FAM171A1: variants seen among roughly 807,000 people sequenced by gnomAD.
FAM171A1 encodes the protein family with sequence similarity 171 member A1, also known as protein FAM171A1.
In FAM171A1, 23 loss-of-function variants were observed where a neutral mutation model predicts 74.9. The ratio of observed to expected loss-of-function variants is 0.31; its 90% CI spans 0.22 to 0.44. The LOEUF is 0.44. Among genes scored for constraint, FAM171A1 ranks in the 20% least tolerant of loss-of-function variants. FAM171A1 has a pLI of 1.00. For synonymous variants in FAM171A1, 527 were observed against 505.7 expected (o/e 1.04, Z -0.57); for missense variants, 1,162 against 1,159.2 (o/e 1.00, Z -0.03).
At chr10:15,298,517 C>T (rs1249111019) in intron 1 of FAM171A1, among the ~76,000 whole-genome samples, 1 of 152,102 alleles carries the variant, frequency 6.6e-6, no homozygotes, top group Non-Finnish European at 1.5e-5. Flanking sequence ...GATTACTGTA[C>T]TTATCTCGGG....
Position 15,212,622 on chromosome 10 carries a change from G to T in FAM171A1, c.*293C>A. ...GATCGTTAGAGCATAGCGACATCAC[G>T]TGCGGTTTCTTAATGTCCCTGGTGG... On this transcript the variant is annotated 3_prime_UTR_variant, in exon 8 of 8. Transcript: ENST00000378116. 2 of 441,482 alleles carry T rather than the reference G, an allele frequency of 4.5e-6. No homozygotes were observed. The highest frequency in any genetic ancestry group is 2.6e-5 in the South Asian group (1 of 38,556). 27.3% of individuals were successfully genotyped at this position (441,482 alleles called of 1,614,324 possible). A position where few individuals can be genotyped will look rare whatever the true frequency, so the allele number is the denominator to read the frequency against.
At chr10:15,351,316 C>A (rs1835873955) in intron 1 of FAM171A1, among the ~76,000 whole-genome samples, 1 of 152,082 alleles carries the variant, frequency 6.6e-6, no homozygotes, top group Non-Finnish European at 1.5e-5. Context: ...GTGCGTAAGC[C>A]CCCAAGAGAG....
At chr10:15,358,687 G>A (rs914088538) in intron 1 of FAM171A1, among the ~76,000 whole-genome samples, 7 of 152,176 alleles carry the variant, frequency 4.6e-5, no homozygotes, top group Non-Finnish European at 1.0e-4. Flanking sequence ...ATCCCATGCA[G>A]TATCAAGTAC....
In FAM171A1 at chr10:15,214,028, G is replaced by T; in HGVS notation, c.1560C>A (p.Tyr520Ter). ...GSKLTIQEHL[Y>*]PAPSSPEKEQ... is the part of the protein sequence containing the mutation. ...CTTTCTCAGGTGATGAAGGCGCGGG[G>T]TACAGATGTTCCTGAATGGTGAGTT... The change falls in exon 8 of 8, where the codon TAC becomes TAA. Residue 520 changes from tyrosine to a stop codon, truncating the protein, a stop_gained. Coordinates refer to ENST00000378116, the MANE Select transcript of FAM171A1 (RefSeq NM_001010924.2). LOFTEE classifies it high-confidence loss of function. The T allele has an allele frequency of 6.2e-7, 1 of 1,614,218 alleles. No individual in the cohort carries two copies.
chr10:15,235,288 C>A (rs555172500), intron 5 of FAM171A1, among the ~76,000 whole-genome samples: 1 of 113,328 alleles, frequency 8.8e-6, no homozygotes, highest in Non-Finnish European at 1.6e-5. Context: ...GGAGACAGAG[C>A]GAGACTCTGT....
At chr10:15,226,776 T>A (rs1296412711) in intron 5 of FAM171A1, among the ~76,000 whole-genome samples, 2 of 152,194 alleles carry the variant, frequency 1.3e-5, no homozygotes. Flanking sequence ...GCTCTTGCGC[T>A]GAATACTCCC....
At chr10:15,275,716 A>G in intron 3 of FAM171A1, 139 bp downstream of exon 3, 1 of 483,994 alleles carries the variant, frequency 2.1e-6, no homozygotes, top group Non-Finnish European at 3.6e-6. Context: ...GTGATAGACA[A>G]GTTAATGATG....
intron 1 of FAM171A1, among the ~76,000 whole-genome samples, chr10:15,321,689 T>C (rs1835488504): frequency 6.6e-6 from 1 of 152,208 alleles, no homozygotes; most frequent in African/African-American, 2.4e-5. Flanking sequence ...AACCCTTTAA[T>C]GAAAACAGAA....
At chr10:15,248,860 A>C in intron 4 of FAM171A1, 45 bp from the exon 5 acceptor site, 1 of 1,554,328 alleles carries the variant, frequency 6.4e-7, no homozygotes, top group Non-Finnish European at 8.7e-7. Flanking sequence ...CAAAGTACCC[A>C]TGTGGGGCTG....
intron 3 of FAM171A1, among the ~76,000 whole-genome samples, chr10:15,268,395 A>C (rs916630349): frequency 7.9e-5 from 12 of 152,122 alleles, no homozygotes; most frequent in Admixed American, 2.6e-4. Flanking sequence ...GGAGACACCA[A>C]CCTCATCAAA....
intron 5 of FAM171A1, among the ~76,000 whole-genome samples, chr10:15,229,308 G>T (rs1462882306): frequency 2.0e-5 from 3 of 152,104 alleles, no homozygotes; most frequent in Non-Finnish European, 2.9e-5. Flanking sequence ...GGGCTGTCAT[G>T]GCTCTGGATG....
chr10:15,309,760 C>A (rs1667287281), intron 1 of FAM171A1, among the ~76,000 whole-genome samples: 2 of 152,240 alleles, frequency 1.3e-5, no homozygotes, highest in African/African-American at 4.8e-5. Context: ...TGCAGGAAAT[C>A]TGCATTTTCT....
intron 1 of FAM171A1, among the ~76,000 whole-genome samples, chr10:15,301,209 A>G (rs531752020): frequency 1.3e-5 from 2 of 152,232 alleles, no homozygotes; most frequent in East Asian, 1.9e-4. Flanking sequence ...GTCTGGCTCT[A>G]TCGCCCAGGC....
intron 1 of FAM171A1, among the ~76,000 whole-genome samples, chr10:15,289,071 C>T (rs941167765): frequency 2.0e-5 from 3 of 152,130 alleles, no homozygotes; most frequent in Non-Finnish European, 4.4e-5. Context: ...ATCTGCCTGC[C>T]TTGGCCTCCC....
chr10:15,212,966 G>C lies in FAM171A1; in HGVS notation c.2622C>G (p.Ser874Arg). Residue 874 changes from serine (S) to arginine (R), a missense_variant, in exon 8 of 8, where the codon AGC (serine) becomes AGG (arginine). By Grantham distance (110) the Ser-to-Arg change is moderately radical (BLOSUM62 -1). Coordinates refer to ENST00000378116, the MANE Select transcript of FAM171A1 (RefSeq NM_001010924.2). ...GCCTCTCCTCCCGTTTCTGCCAGGG[G>C]CTTTTCTTGTCTTCTCCTTGGTCAT... is the stretch of plus-strand genomic sequence containing the variant. ...DDDDQGEDKK[S>R]PWQKREERPL... 1 of 1,614,062 alleles carries C rather than the reference G, an allele frequency of 6.2e-7. No homozygotes were observed. Among genetic ancestry groups the C allele is most frequent in the South Asian group, 1.1e-5 (1 of 91,072 alleles).
At chr10:15,351,565 G>A (rs1588567138) in intron 1 of FAM171A1, among the ~76,000 whole-genome samples, 1 of 27,366 alleles carries the variant, frequency 3.7e-5, no homozygotes, top group African/African-American at 1.0e-4. Flanking sequence ...GGAAAGTAGG[G>A]ACGATGGATG....
chr10:15,372,868 C>G (rs372911153), upstream of FAM171A1, among the ~76,000 whole-genome samples: 114 of 152,220 alleles, frequency 7.5e-4, 1 homozygote, highest in African/African-American at 2.6e-3. Context: ...CAACCTTCAC[C>G]TCCACTTGTC....
chr10:15,366,078 G>T (rs1836057641), intron 1 of FAM171A1, among the ~76,000 whole-genome samples: 1 of 152,152 alleles, frequency 6.6e-6, no homozygotes. Context: ...TTAAGAAACA[G>T]TTATTTCATA....
chr10:15,244,730 C>T lies in FAM171A1; in HGVS notation c.754+3909G>A, dbSNP rs140150442. ...GGAGTGGCTGGTACCTGCACAGACT[C>T]GGTGAGGGTGCAGGGAGTAACAGGT... On this transcript the variant is annotated intron_variant, in intron 5 of 7. Coordinates refer to ENST00000378116, the MANE Select transcript of FAM171A1 (RefSeq NM_001010924.2). Among the ~76,000 whole-genome samples the T allele has an allele frequency of 3.6e-3, 544 of 152,032 alleles. 3 individuals are homozygous for T. The highest frequency in any genetic ancestry group is 0.012 in the African/African-American group (495 of 41,460).
Sources: gnomAD v4.1 joint callset for allele counts (sites outside exome capture counted in the v4.1 genomes callset) on GRCh38, gnomAD v4.1.1 for gene constraint, MANE v1.5 for transcripts, NCBI Gene and HGNC (gene_info 2026-07-23, HGNC 2026-07-21) for gene names.